The following IPCEF1 variants were observed in gnomAD, a reference collection of about 807,000 sequenced individuals.
The protein encoded by IPCEF1 is interaction protein for cytohesin exchange factors 1.
IPCEF1 carries 31 observed loss-of-function variants against 50.9 expected under a neutral mutation model. That is an observed-to-expected ratio of 0.61 (90% CI 0.46 to 0.82). The LOEUF is 0.82. Ranked by LOEUF, IPCEF1 falls within the 40% of genes least tolerant of loss-of-function variation. The pLI, the probability that IPCEF1 is intolerant of heterozygous loss-of-function variation, is 0.00. For synonymous variants in IPCEF1, 181 were observed against 192.0 expected, an observed-to-expected ratio of 0.94 and a Z score of 0.47; for missense variants, 458 against 514.0, an observed-to-expected ratio of 0.89 and a Z score of 1.05.
At chr6:154,234,445 T>A (rs1394928599) in intron 5 of IPCEF1, among the ~76,000 whole-genome samples, 2 of 152,146 alleles carry the variant, frequency 1.3e-5, no homozygotes, top group Admixed American at 6.5e-5. Flanking sequence ...ACCCAAATCC[T>A]CTTCTCAAGA....
At chr6:154,339,419 A>T (rs538703320) in intron 1 of IPCEF1, among the ~76,000 whole-genome samples, 1 of 151,318 alleles carries the variant, frequency 6.6e-6, no homozygotes, top group South Asian at 2.1e-4. Flanking sequence ...ACTTACTTTT[A>T]TCTTTTTTTA....
chr6:154,204,696 G>A (rs1354442334), intron 9 of IPCEF1, among the ~76,000 whole-genome samples: 4 of 152,120 alleles, frequency 2.6e-5, no homozygotes, highest in African/African-American at 9.7e-5. Flanking sequence ...TACCATTCTA[G>A]TGGCTTCCTG....
intron 9 of IPCEF1, among the ~76,000 whole-genome samples, chr6:154,200,523 C>G (rs768676487): frequency 6.4e-4 from 98 of 152,198 alleles, no homozygotes; most frequent in Non-Finnish European, 7.5e-4. Context: ...GAGTTTGAGA[C>G]CAGCCGGGCC....
Position 154,164,658 on chromosome 6 carries a change from C to T in IPCEF1, c.1104+3262G>A, listed in dbSNP as rs187933091. The stretch of plus-strand genomic sequence containing the variant: ...TACTCCAAATAGTCAGTGTGTGGCT[C>T]GACTCAAGACCTAAGCATTGGAAAT... On this transcript the variant is annotated intron_variant, in intron 11 of 11. Transcript: ENST00000367220. Among the ~76,000 whole-genome samples the T allele has an allele frequency of 1.2e-4, 18 of 152,246 alleles. No homozygotes were observed. In the East Asian group the frequency reaches 3.3e-3, roughly 28 times the overall value.
intron 5 of IPCEF1, among the ~76,000 whole-genome samples, chr6:154,241,625 T>C (rs908687609): frequency 1.3e-5 from 2 of 152,178 alleles, no homozygotes; most frequent in Admixed American, 6.5e-5. Flanking sequence ...ATTTGCGTAG[T>C]GCGCCCTACA....
intron 10 of IPCEF1, among the ~76,000 whole-genome samples, chr6:154,198,627 T>TAC: frequency 1.4e-5 from 1 of 73,886 alleles, no homozygotes; most frequent in African/African-American, 5.0e-5. Context: ...TTTAAAATAT[T>TAC]ACATACACAC....
rs747356617 is a variant in IPCEF1, at chr6:154,212,817, C to G, written c.490G>C (p.Ala164Pro). Residue 164 changes from alanine (A) to proline (P), a missense_variant, in exon 9 of 12, where the codon GCT becomes CCT. Coordinates refer to ENST00000367220, the MANE Select transcript of IPCEF1 (RefSeq NM_001130700.2). Reference sequence around the variant, plus strand: ...TGAGGAGGGGGTGGTGTCTCCGCAGCTATTTCTGGATCTTCCTGTTCACTT... The same window carrying G: ...TGAGGAGGGGGTGGTGTCTCCGCAGGTATTTCTGGATCTTCCTGTTCACTT... ...SESEQEDPEI[A>P]AETPPPPHAS... The G allele has an allele frequency of 6.2e-7, 1 of 1,613,784 alleles. No homozygotes were observed. Among genetic ancestry groups the G allele is most frequent in the South Asian group, 1.1e-5 (1 of 91,066 alleles).
intron 5 of IPCEF1, among the ~76,000 whole-genome samples, chr6:154,235,256 C>T: frequency 6.6e-6 from 1 of 152,156 alleles, no homozygotes; most frequent in East Asian, 1.9e-4. Context: ...ATAGGCCGGG[C>T]ATGGTGGCTC....
intron 5 of IPCEF1, among the ~76,000 whole-genome samples, chr6:154,225,517 T>G (rs1002881936): frequency 2.0e-5 from 3 of 152,204 alleles, no homozygotes; most frequent in Non-Finnish European, 2.9e-5. Context: ...ATGATTCAAT[T>G]TATATGAAAT....
Position 154,230,872 on chromosome 6 carries a change from G to GA in IPCEF1, c.247-7630dup, listed in dbSNP as rs564167061. ...GTCTTAAATAGAATCTTGAATTCAAGAAAAAAAAACAGCTAAAAAAATTTC... is the reference window on the plus strand; with the variant it reads ...GTCTTAAATAGAATCTTGAATTCAAGAAAAAAAAAACAGCTAAAAAAATTTC... On this transcript the variant is annotated intron_variant, in intron 5 of 11. Coordinates refer to ENST00000367220, the MANE Select transcript of IPCEF1 (RefSeq NM_001130700.2). Among the ~76,000 whole-genome samples the GA allele has an allele frequency of 1.3e-4, 19 of 149,378 alleles. No homozygotes were observed. In the East Asian group the frequency reaches 1.4e-3, roughly 11 times the overall value.
intron 2 of IPCEF1, among the ~76,000 whole-genome samples, chr6:154,281,393 G>C (rs1010325086): frequency 3.3e-5 from 5 of 151,866 alleles, no homozygotes; most frequent in Non-Finnish European, 7.4e-5. Flanking sequence ...CTTGTGTGGT[G>C]GTGCATGCCT....
chr6:154,289,367 A>G (rs1321205634), intron 2 of IPCEF1, among the ~76,000 whole-genome samples: 1 of 149,580 alleles, frequency 6.7e-6, no homozygotes, highest in Non-Finnish European at 1.5e-5. Flanking sequence ...GCATCTAAAC[A>G]TGCAATTGCT....
chr6:154,275,818 G>A (rs945634497), intron 2 of IPCEF1, among the ~76,000 whole-genome samples: 5 of 152,094 alleles, frequency 3.3e-5, no homozygotes, highest in Admixed American at 6.5e-5. Flanking sequence ...GCTGTCAGCC[G>A]CTTGCACCCA....
At chr6:154,247,566 G>C in intron 3 of IPCEF1, 78 bp from the exon 4 acceptor site, 1 of 1,242,708 alleles carries the variant, frequency 8.0e-7, no homozygotes, top group Non-Finnish European at 1.2e-6. Context: ...GGAGGGAGGA[G>C]GTGGCAGTGT....
At chr6:154,167,638 G>C (rs1365579464) in intron 11 of IPCEF1, among the ~76,000 whole-genome samples, 2 of 152,148 alleles carry the variant, frequency 1.3e-5, no homozygotes, top group African/African-American at 4.8e-5. Flanking sequence ...AACAAATTAT[G>C]CATGGTCCTT....
intron 1 of IPCEF1, among the ~76,000 whole-genome samples, chr6:154,295,990 T>A (rs1782647646): frequency 6.6e-6 from 1 of 152,166 alleles, no homozygotes; most frequent in African/African-American, 2.4e-5. Flanking sequence ...TAGCACACTG[T>A]CTTCCCTGAC....
intron 10 of IPCEF1, among the ~76,000 whole-genome samples, chr6:154,193,316 A>C (rs2128583574): frequency 6.6e-6 from 1 of 152,320 alleles, no homozygotes; most frequent in African/African-American, 2.4e-5. Flanking sequence ...GAGCTAAGCT[A>C]TGAGGATGCA....
At chr6:154,162,074 A>G (rs1253557700) in intron 11 of IPCEF1, among the ~76,000 whole-genome samples, 1 of 152,188 alleles carries the variant, frequency 6.6e-6, no homozygotes, top group Admixed American at 6.5e-5. Context: ...CACGAACTAC[A>G]TGGATGCAAA....
intron 1 of IPCEF1, among the ~76,000 whole-genome samples, chr6:154,319,851 A>G (rs965378830): frequency 6.6e-6 from 1 of 152,236 alleles, no homozygotes. Flanking sequence ...TCTTTTGGAA[A>G]GAGAGAAAAT....
Sources: gnomAD v4.1 joint callset for allele counts (sites outside exome capture counted in the v4.1 genomes callset) on GRCh38, gnomAD v4.1.1 for gene constraint, MANE v1.5 for transcripts, NCBI Gene and HGNC (gene_info 2026-07-23, HGNC 2026-07-21) for gene names.